HTR2C: variants seen among roughly 807,000 people sequenced by gnomAD.
HTR2C encodes 5-hydroxytryptamine (serotonin) receptor 2C, G protein-coupled.
In HTR2C, 5 loss-of-function variants were observed where a neutral mutation model predicts 21.0. The ratio of observed to expected loss-of-function variants is 0.24; its 90% confidence interval spans 0.12 to 0.50. HTR2C has a LOEUF of 0.50. Ranked by LOEUF, HTR2C falls within the 20% of genes least tolerant of loss-of-function variation. The probability of loss-of-function intolerance (pLI) is 0.98; values close to 1 mark genes in which losing one functional copy is unlikely to be tolerated. For missense variants in HTR2C, 271 were observed against 371.2 expected, an observed-to-expected ratio of 0.73 and a Z score of 2.22; for synonymous variants, 150 against 145.3, an observed-to-expected ratio of 1.03 and a Z score of -0.23.
In HTR2C at chrX:114,891,078, G is replaced by A. The variant is rs6644122; in HGVS notation, c.551-15511G>A. Among the ~76,000 whole-genome samples the A allele has an allele frequency of 7.2e-5, 8 of 110,700 alleles. No homozygotes were observed. The East Asian group carries it at 2.0e-3, about 27-fold the overall frequency. ...TTCGAAATTGCAATTGTCCCATCAAGTGAATTTTTTTTTTGCTATTTTGAT... is the reference window on the plus strand; with the variant it reads ...TTCGAAATTGCAATTGTCCCATCAAATGAATTTTTTTTTTGCTATTTTGAT... On this transcript the variant is annotated intron_variant, in intron 5 of 5. Transcript: ENST00000276198.
At chrX:114,775,930 G>T in intron 4 of HTR2C, 1 of 369,486 alleles carries the variant, frequency 2.7e-6, no homozygotes, top group South Asian at 3.9e-5. Context: ...AGAGAGAATC[G>T]ACCTCAATAC....
intron 2 of HTR2C, among the ~76,000 whole-genome samples, chrX:114,725,415 T>G (rs1427161679): frequency 2.7e-5 from 3 of 110,734 alleles, no homozygotes; most frequent in African/African-American, 6.6e-5. Flanking sequence ...TTATACATTC[T>G]TCTAAATTTT....
intron 2 of HTR2C, among the ~76,000 whole-genome samples, chrX:114,665,225 A>C (rs1931132502): frequency 8.9e-6 from 1 of 111,895 alleles, no homozygotes. Context: ...GTAGGATTGG[A>C]AGTATCCTGT....
chrX:114,610,149 A>C lies in HTR2C; in HGVS notation c.-146-3666A>C, dbSNP rs192935975. On this transcript the variant is annotated intron_variant, in intron 1 of 5. Coordinates refer to ENST00000276198, the MANE Select transcript of HTR2C (RefSeq NM_000868.4). ...ACAACCTCCTTCTTTTTAAATGAGC[A>C]TGAATATCCATGAATATCGAAAAGA... is the stretch of plus-strand genomic sequence containing the variant. 1.8e-4 allele frequency among the ~76,000 whole-genome samples: 20 copies of C among 111,830 alleles called. 1 individual carries two copies. Among genetic ancestry groups the C allele is most frequent in the Admixed American group, 1.5e-3 (16 of 10,474 alleles).
chrX:114,650,949 A>G (rs959003047), intron 2 of HTR2C, among the ~76,000 whole-genome samples: 1 of 111,762 alleles, frequency 8.9e-6, no homozygotes, highest in South Asian at 3.7e-4. Context: ...AAATGGTGAC[A>G]TGGGTTGCAG....
chrX:114,767,859 CTG>C (rs1556435752), intron 4 of HTR2C, among the ~76,000 whole-genome samples: 1 of 109,705 alleles, frequency 9.1e-6, no homozygotes, highest in African/African-American at 3.3e-5. Context: ...ATTACAAACT[CTG>C]TGTATACATG....
At chrX:114,896,669 T>C (rs2071299144) in intron 5 of HTR2C, among the ~76,000 whole-genome samples, 1 of 112,275 alleles carries the variant, frequency 8.9e-6, no homozygotes, top group Non-Finnish European at 1.9e-5. Context: ...CTACCTTTCT[T>C]GTAATAACTA....
At chrX:114,608,310 C>T (rs1928559936) in intron 1 of HTR2C, among the ~76,000 whole-genome samples, 1 of 111,417 alleles carries the variant, frequency 9.0e-6, no homozygotes, top group Non-Finnish European at 1.9e-5. Flanking sequence ...GTGTAGAATT[C>T]AGTGGTTTTT....
chrX:114,804,554 G>C (rs1453480202), intron 4 of HTR2C, among the ~76,000 whole-genome samples: 1 of 111,813 alleles, frequency 8.9e-6, no homozygotes, highest in Non-Finnish European at 1.9e-5. Context: ...GTAAGATACT[G>C]TTATCTACTT....
intron 5 of HTR2C, among the ~76,000 whole-genome samples, chrX:114,859,748 T>C (rs1312832365): frequency 9.0e-6 from 1 of 111,482 alleles, no homozygotes; most frequent in Non-Finnish European, 1.9e-5. Flanking sequence ...TTCTCTTTTT[T>C]AACTTCTTAA....
rs1220137902 is a variant in HTR2C at position 114,610,852 on chromosome X, G to A, written c.-146-2963G>A. On this transcript the variant is annotated intron_variant, in intron 1 of 5. Transcript: ENST00000276198. Reference sequence around the variant, plus strand: ...GGAGAGTGTATGATAGATGCAAAATGTTAATATAAAGAATGTCGTGATCAG... The same window carrying A: ...GGAGAGTGTATGATAGATGCAAAATATTAATATAAAGAATGTCGTGATCAG... Among the ~76,000 whole-genome samples the A allele has an allele frequency of 2.7e-5, 3 of 111,746 alleles. No homozygotes were observed. The East Asian group carries it at 8.4e-4, about 31-fold the overall frequency.
chrX:114,615,849 G>T (rs1355210060), intron 2 of HTR2C, among the ~76,000 whole-genome samples: 1 of 111,861 alleles, frequency 8.9e-6, no homozygotes, highest in Non-Finnish European at 1.9e-5. Flanking sequence ...ATTAATTAGA[G>T]AAGATTTGAT....
chrX:114,907,329 G>A lies in HTR2C; in HGVS notation c.1291G>A (p.Glu431Lys), dbSNP rs781807542. Residue 431 changes from glutamate to lysine, a missense_variant, in exon 6 of 6, where the codon GAG becomes AAG. Glu to Lys is a moderately conservative substitution (Grantham distance 56). Transcript: ENST00000276198. ...GGTGATCGAGAAAGCCAGTGACAATGAGCCCGGTATAGAGATGCAAGTTGA... is the reference window on the plus strand; with the variant it reads ...GGTGATCGAGAAAGCCAGTGACAATAAGCCCGGTATAGAGATGCAAGTTGA... ...EPVIEKASDN[E>K]PGIEMQVENL... The A allele has an allele frequency of 8.3e-7, 1 of 1,211,254 alleles. No homozygotes were observed. Among genetic ancestry groups the A allele is most frequent in the Non-Finnish European group, 1.1e-6 (1 of 895,184 alleles).
rs782807927 is a variant in HTR2C at position 114,606,799 on chromosome X, T to C, written c.-146-7016T>C. Among the ~76,000 whole-genome samples the C allele has an allele frequency of 5.9e-3, 653 of 111,278 alleles. 11 individuals are homozygous for C. The highest frequency in any genetic ancestry group is 0.02 in the African/African-American group (608 of 30,168). ...CCAAGTCACAGCACCAAATTTCATG[T>C]GTGTCCGTGTGAAGAGACCACTAAA... On this transcript the variant is annotated intron_variant, in intron 1 of 5. Coordinates refer to ENST00000276198, the MANE Select transcript of HTR2C (RefSeq NM_000868.4).
intron 1 of HTR2C, among the ~76,000 whole-genome samples, chrX:114,597,800 A>C (rs1291463726): frequency 8.9e-6 from 1 of 112,141 alleles, no homozygotes; most frequent in Non-Finnish European, 1.9e-5. Context: ...AAAATTGTAC[A>C]AAAAAGAGAA....
intron 2 of HTR2C, among the ~76,000 whole-genome samples, chrX:114,649,136 T>A (rs1930465260): frequency 8.9e-6 from 1 of 112,088 alleles, no homozygotes; most frequent in Non-Finnish European, 1.9e-5. Context: ...TTAAGTATTT[T>A]CCACATATGA....
At chrX:114,744,273 T>C (rs1395585029) in intron 4 of HTR2C, among the ~76,000 whole-genome samples, 1 of 108,899 alleles carries the variant, frequency 9.2e-6, no homozygotes, top group Non-Finnish European at 1.9e-5. Flanking sequence ...TAATTACTTA[T>C]TTTAGAAAGT....
intron 3 of HTR2C, among the ~76,000 whole-genome samples, chrX:114,730,965 T>C (rs782207334): frequency 6.7e-4 from 75 of 111,560 alleles, no homozygotes; most frequent in African/African-American, 2.2e-3. Context: ...TTTCTGAACT[T>C]TACTCAGTCT....
chrX:114,631,498 C>T (rs782400270), intron 2 of HTR2C, among the ~76,000 whole-genome samples: 102 of 111,943 alleles, frequency 9.1e-4, no homozygotes, highest in African/African-American at 3.2e-3. Flanking sequence ...CTACGATTGT[C>T]ATGGTGATTA....
Sources: allele counts gnomAD v4.1 joint callset (sites outside exome capture counted in the v4.1 genomes callset), GRCh38; gene constraint gnomAD v4.1.1; transcripts MANE v1.5; gene names NCBI Gene and HGNC (gene_info 2026-07-23, HGNC 2026-07-21).